CNTNAP5: variants seen among roughly 807,000 people sequenced by gnomAD.
The protein encoded by CNTNAP5 is contactin associated protein family member 5.
Under a neutral mutation model 150.2 loss-of-function variants are expected in CNTNAP5, and 72 were observed. The ratio of observed to expected loss-of-function variants is 0.48; its 90% CI spans 0.40 to 0.58. The LOEUF (loss-of-function observed/expected upper bound fraction) is 0.58. Ranked by LOEUF, CNTNAP5 falls within the 20% of genes least tolerant of loss-of-function variation. CNTNAP5 has a pLI of 0.00. For missense variants in CNTNAP5, 1,636 were observed against 1,626.2 expected, an observed-to-expected ratio of 1.01 and a Z score of -0.10; for synonymous variants, 672 against 619.8, an observed-to-expected ratio of 1.08 and a Z score of -1.25.
At chr2:124,792,138 A>G (rs1299316906) in intron 18 of CNTNAP5, among the ~76,000 whole-genome samples, 1 of 152,172 alleles carries the variant, frequency 6.6e-6, no homozygotes, top group Non-Finnish European at 1.5e-5. Flanking sequence ...GATGGTGTGT[A>G]AATACTGAAT....
intron 21 of CNTNAP5, among the ~76,000 whole-genome samples, chr2:124,899,795 T>A (rs1309991685): frequency 6.6e-6 from 1 of 151,342 alleles, no homozygotes; most frequent in Non-Finnish European, 1.5e-5. Context: ...TCCACATGAA[T>A]CTAATGTAAT....
chr2:124,836,820 G>T (rs531497053), intron 19 of CNTNAP5, among the ~76,000 whole-genome samples: 1 of 152,222 alleles, frequency 6.6e-6, no homozygotes, highest in Non-Finnish European at 1.5e-5. Context: ...ACTGAACAGT[G>T]ATTAATTATA....
chr2:124,133,592 C>T (rs192715509), intron 1 of CNTNAP5, among the ~76,000 whole-genome samples: 187 of 152,280 alleles, frequency 1.2e-3, no homozygotes, highest in African/African-American at 4.2e-3. Flanking sequence ...GAAGCCTTTG[C>T]CAACACCTCT....
At position 124,915,450 on chromosome 2, in the gene CNTNAP5, T is replaced by C. The variant is rs1434787237; in HGVS notation, c.*1162T>C. On this transcript the variant is annotated 3_prime_UTR_variant, in exon 24 of 24. Coordinates refer to ENST00000682447, the MANE Select transcript of CNTNAP5 (RefSeq NM_001367498.1). ...CTAAAGACCTGGTGAAGATAGTTAA[T>C]TCAAATTTGCAAGTTTCACATTTTT... Among the ~76,000 whole-genome samples, 2 of 151,998 alleles carry C rather than the reference T, an allele frequency of 1.3e-5. No homozygotes were observed. The highest frequency in any genetic ancestry group is 2.9e-5 in the Non-Finnish European group (2 of 67,964).
At chr2:124,308,768 G>C (rs1458861472) in intron 3 of CNTNAP5, among the ~76,000 whole-genome samples, 1 of 152,178 alleles carries the variant, frequency 6.6e-6, no homozygotes, top group African/African-American at 2.4e-5. Context: ...CCAACTTCTT[G>C]CATGTTACAC....
chr2:124,660,039 GAAGA>G (rs78848298), intron 13 of CNTNAP5, among the ~76,000 whole-genome samples: 33,826 of 116,556 alleles, frequency 0.29, 4,675 homozygotes, highest in Non-Finnish European at 0.37. Context: ...AGGAAGGAAG[GAAGA>G]AAGGAAGGAA....
At chr2:124,026,616 C>T (rs1680896970) in intron 1 of CNTNAP5, among the ~76,000 whole-genome samples, 1 of 152,206 alleles carries the variant, frequency 6.6e-6, no homozygotes, top group African/African-American at 2.4e-5. Context: ...GTTTTTCCAG[C>T]TCTGGGACTT....
At chr2:124,483,863 G>A (rs1437974723) in intron 7 of CNTNAP5, among the ~76,000 whole-genome samples, 1 of 152,192 alleles carries the variant, frequency 6.6e-6, no homozygotes, top group East Asian at 1.9e-4. Flanking sequence ...CAGATGCCCT[G>A]GCCTTGGCCA....
intron 3 of CNTNAP5, among the ~76,000 whole-genome samples, chr2:124,368,657 A>C (rs953685265): frequency 6.6e-6 from 1 of 152,172 alleles, no homozygotes; most frequent in Admixed American, 6.5e-5. Flanking sequence ...GGTATGGAAA[A>C]CTATTCAAAA....
chr2:124,406,377 C>T (rs1329235968), intron 3 of CNTNAP5, among the ~76,000 whole-genome samples: 1 of 151,994 alleles, frequency 6.6e-6, no homozygotes, highest in Non-Finnish European at 1.5e-5. Flanking sequence ...GATTTTTTGT[C>T]CTCTTGTATA....
chr2:124,630,771 C>T (rs1378461648), intron 12 of CNTNAP5, among the ~76,000 whole-genome samples: 1 of 151,958 alleles, frequency 6.6e-6, no homozygotes, highest in Non-Finnish European at 1.5e-5. Context: ...CAAATAGGAA[C>T]AGAGGAAATC....
chr2:124,598,739 C>A (rs1696897654), intron 11 of CNTNAP5, among the ~76,000 whole-genome samples: 1 of 152,190 alleles, frequency 6.6e-6, no homozygotes, highest in African/African-American at 2.4e-5. Flanking sequence ...GCCCCTCCCC[C>A]AGCCTCGCTG....
chr2:124,586,910 G>A (rs547871859), intron 11 of CNTNAP5, among the ~76,000 whole-genome samples: 9 of 152,302 alleles, frequency 5.9e-5, no homozygotes, highest in African/African-American at 2.2e-4. Context: ...AGATGCATGA[G>A]CTCCTACCTC....
chr2:124,767,465 A>G (rs1681092494), intron 16 of CNTNAP5, among the ~76,000 whole-genome samples: 1 of 152,210 alleles, frequency 6.6e-6, no homozygotes, highest in African/African-American at 2.4e-5. Flanking sequence ...GTAGAAATTG[A>G]TATTTTAGAG....
At chr2:124,515,034 C>T (rs566422359) in intron 8 of CNTNAP5, among the ~76,000 whole-genome samples, 2 of 152,324 alleles carry the variant, frequency 1.3e-5, no homozygotes, top group South Asian at 2.1e-4. Flanking sequence ...GAGTTCCTAA[C>T]AGACCCTAGC....
intron 7 of CNTNAP5, among the ~76,000 whole-genome samples, chr2:124,484,231 G>A (rs1169074102): frequency 6.6e-6 from 1 of 152,196 alleles, no homozygotes; most frequent in Non-Finnish European, 1.5e-5. Context: ...AGCTCAAGGT[G>A]GGACTGTGGG....
At chr2:124,380,209 A>G (rs1212094462) in intron 3 of CNTNAP5, among the ~76,000 whole-genome samples, 1 of 152,182 alleles carries the variant, frequency 6.6e-6, no homozygotes, top group East Asian at 1.9e-4. Flanking sequence ...ATGTGGCAAG[A>G]ACCGCATTTT....
At chr2:124,416,946 T>TC in intron 3 of CNTNAP5, among the ~76,000 whole-genome samples, 1 of 148,240 alleles carries the variant, frequency 6.7e-6, no homozygotes, top group East Asian at 2.0e-4. Context: ...CTTTTTTTTT[T>TC]TTTTTTTTTT....
chr2:124,260,910 C>G (rs1400339736), intron 3 of CNTNAP5, among the ~76,000 whole-genome samples: 2 of 152,130 alleles, frequency 1.3e-5, no homozygotes, highest in Non-Finnish European at 2.9e-5. Context: ...GCAATTGTCA[C>G]ATCTTAATTT....
Sources: gnomAD v4.1 joint callset for allele counts (sites outside exome capture counted in the v4.1 genomes callset) on GRCh38, gnomAD v4.1.1 for gene constraint, MANE v1.5 for transcripts, NCBI Gene and HGNC (gene_info 2026-07-23, HGNC 2026-07-21) for gene names.